The following HNRNPLL variants were observed in gnomAD, a reference collection of about 807,000 sequenced individuals.
HNRNPLL encodes the protein heterogeneous nuclear ribonucleoprotein L like.
A neutral mutation model predicts 67.1 loss-of-function variants in HNRNPLL; 25 were observed. The ratio of observed to expected loss-of-function variants is 0.37; its 90% CI spans 0.27 to 0.52. The LOEUF (loss-of-function observed/expected upper bound fraction) is 0.52. Ranked by LOEUF, HNRNPLL falls within the 20% of genes least tolerant of loss-of-function variation. The probability of loss-of-function intolerance (pLI) is 0.90; values close to 1 mark genes in which losing one functional copy is unlikely to be tolerated. For missense variants in HNRNPLL, 542 were observed against 673.9 expected, an observed-to-expected ratio of 0.80 and a Z score of 2.17; for synonymous variants, 267 against 241.7, an observed-to-expected ratio of 1.10 and a Z score of -0.97.
intron 4 of HNRNPLL, among the ~76,000 whole-genome samples, chr2:38,583,537 CT>C (rs1666617747): frequency 6.6e-6 from 1 of 152,132 alleles, no homozygotes; most frequent in Non-Finnish European, 1.5e-5. Context: ...TTCCAAACTA[CT>C]TTAAGAGGGA....
intron 1 of HNRNPLL, among the ~76,000 whole-genome samples, chr2:38,596,302 A>T (rs1471644928): frequency 6.7e-6 from 1 of 149,522 alleles, no homozygotes; most frequent in Non-Finnish European, 1.5e-5. Flanking sequence ...TCGCTCTATC[A>T]CCCAGGCTGG....
intron 1 of HNRNPLL, chr2:38,602,122 C>G (rs902992169): frequency 8.1e-6 from 3 of 368,260 alleles, no homozygotes; most frequent in Non-Finnish European, 1.5e-5. Context: ...ACAAAGAGCT[C>G]CCCGAGCCGC....
At chr2:38,573,161 T>G (rs759011734) in intron 8 of HNRNPLL, 49 bp downstream of exon 8, 1 of 1,256,192 alleles carries the variant, frequency 8.0e-7, no homozygotes, top group Non-Finnish European at 1.1e-6. Flanking sequence ...CTTTTCAGAG[T>G]TACCACTGAA....
At chr2:38,569,688 T>C in intron 9 of HNRNPLL, 116 bp downstream of exon 9, 1 of 575,686 alleles carries the variant, frequency 1.7e-6, no homozygotes, top group Non-Finnish European at 2.9e-6. Context: ...AGCTGTTGTT[T>C]CAGATGTGCC....
intron 7 of HNRNPLL, among the ~76,000 whole-genome samples, chr2:38,574,438 G>A (rs1347908425): frequency 2.6e-5 from 4 of 151,868 alleles, no homozygotes; most frequent in Non-Finnish European, 5.9e-5. Context: ...TCCCCCTGAT[G>A]TGCAAAACCA....
At chr2:38,594,018 C>A (rs1328558620) in intron 1 of HNRNPLL, among the ~76,000 whole-genome samples, 3 of 151,658 alleles carry the variant, frequency 2.0e-5, no homozygotes, top group Non-Finnish European at 4.4e-5. Context: ...ACTAAAAATA[C>A]AAAAAAATTA....
At chr2:38,573,150 C>A (rs182723421) in intron 8 of HNRNPLL, 60 bp downstream of exon 8, 2 of 1,116,626 alleles carry the variant, frequency 1.8e-6, no homozygotes, top group African/African-American at 1.6e-5. Context: ...ATATTTGCAG[C>A]CTTTTCAGAG....
chr2:38,577,475 C>G lies in HNRNPLL; in HGVS notation c.860G>C (p.Arg287Thr), dbSNP rs1205799316. ...TGACAACTTACCATAGCCATCATGT[C>G]TAAACGAAGAAGGGTGTTCTCCCAA... ...AILGEHPSSF[R>T]HDGYGSHGPL... is the part of the protein sequence containing the mutation. Residue 287 changes from arginine (R) to threonine (T), a missense_variant, in exon 7 of 13, where the codon AGA (arginine) becomes ACA (threonine). Physicochemically the swap from Arg to Thr is moderately conservative, Grantham distance 71. Transcript: ENST00000449105. 1 of 1,605,228 alleles carries G rather than the reference C, an allele frequency of 6.2e-7. No individual in the cohort carries two copies. Among genetic ancestry groups the G allele is most frequent in the Non-Finnish European group, 8.5e-7 (1 of 1,172,156 alleles).
chr2:38,563,100 T>G lies in HNRNPLL; in HGVS notation c.*1082A>C, dbSNP rs945684528. On this transcript the variant is annotated 3_prime_UTR_variant, in exon 13 of 13. Transcript: ENST00000449105. ...TGTGAACTTGGTAACAATCGTGCTA[T>G]AGTCTCTTAATACCATGTTTGGTCC... 2.0e-5 allele frequency: 3 copies of G among 152,052 alleles called. No homozygotes were observed. The highest frequency in any genetic ancestry group is 2.0e-4 in the Admixed American group (3 of 15,274). 9.4% of individuals were successfully genotyped at this position (152,052 alleles called of 1,614,324 possible). A position where few individuals can be genotyped will look rare whatever the true frequency, so the allele number is the denominator to read the frequency against.
At chr2:38,573,464 T>C (rs753111754) in intron 7 of HNRNPLL, 37 bp from the exon 8 acceptor site, 1 of 1,296,958 alleles carries the variant, frequency 7.7e-7, no homozygotes, top group Non-Finnish European at 1.1e-6. Context: ...TTAGTTAACA[T>C]ATACACATAG....
chr2:38,602,814 C>T lies in HNRNPLL; in HGVS notation c.-188G>A. ...AGAAGCGCGGACGGACTGAGGGGGG[C>T]GCCCCGGGAGGAAGCTCTGGAGCGG... On this transcript the variant is annotated 5_prime_UTR_variant, in exon 1 of 13. Transcript: ENST00000449105. 2.6e-6 allele frequency: 4 copies of T among 1,544,750 alleles called. No homozygotes were observed. The highest frequency in any genetic ancestry group is 2.5e-5 in the East Asian group (1 of 40,072).
intron 1 of HNRNPLL, among the ~76,000 whole-genome samples, chr2:38,593,818 G>C (rs867844574): frequency 6.6e-6 from 1 of 151,164 alleles, no homozygotes; most frequent in African/African-American, 2.4e-5. Flanking sequence ...AGCCGAGATT[G>C]TGCCACTGCA....
rs368531364 is a variant in HNRNPLL, at chr2:38,585,947, A to G, written c.309-66T>C. ...GTTCCGTTAACATTATTTGTCCTCA[A>G]TTAAGTAAAAGCAGACTTTAATAAA... On this transcript the variant is annotated intron_variant, in intron 2 of 12. Coordinates refer to ENST00000449105, the MANE Select transcript of HNRNPLL (RefSeq NM_138394.4). The G allele has an allele frequency of 1.9e-5, 18 of 955,116 alleles. No individual in the cohort carries two copies. The African/African-American group carries it at 2.6e-4, about 14-fold the overall frequency. 59.2% of individuals were successfully genotyped at this position (955,116 alleles called of 1,614,324 possible). A position where few individuals can be genotyped will look rare whatever the true frequency, so the allele number is the denominator to read the frequency against.
chr2:38,596,083 C>G (rs749806386), intron 1 of HNRNPLL, among the ~76,000 whole-genome samples: 1 of 151,730 alleles, frequency 6.6e-6, no homozygotes, highest in Non-Finnish European at 1.5e-5. Context: ...AAAAAAAAAC[C>G]TATGGCTGTT....
intron 7 of HNRNPLL, among the ~76,000 whole-genome samples, chr2:38,576,655 T>C (rs976194134): frequency 6.6e-5 from 10 of 151,802 alleles, no homozygotes; most frequent in Admixed American, 1.3e-4. Context: ...TGTAGGCAAT[T>C]TGAACCATTT....
intron 7 of HNRNPLL, among the ~76,000 whole-genome samples, chr2:38,574,085 A>T (rs1666203839): frequency 6.6e-6 from 1 of 151,960 alleles, no homozygotes; most frequent in African/African-American, 2.4e-5. Context: ...ATCTAAAACT[A>T]TTTCAGCAGA....
In HNRNPLL at chr2:38,598,014, C is replaced by CT. The variant is rs530992607; in HGVS notation, c.189+4423dup. On this transcript the variant is annotated intron_variant, in intron 1 of 12. Coordinates refer to ENST00000449105, the MANE Select transcript of HNRNPLL (RefSeq NM_138394.4). ...GTCAAGTAACTTTTTAAAAAACAAA[C>CT]TTTTTTTTTTTTTGCTCATGTAATA... 3.0e-3 allele frequency among the ~76,000 whole-genome samples: 436 copies of CT among 145,336 alleles called. 2 individuals carry two copies. Among genetic ancestry groups the CT allele is most frequent in the African/African-American group, 8.1e-3 (322 of 39,852 alleles).
intron 2 of HNRNPLL, among the ~76,000 whole-genome samples, chr2:38,589,329 A>G (rs1369385220): frequency 6.6e-6 from 1 of 152,174 alleles, no homozygotes; most frequent in African/African-American, 2.4e-5. Flanking sequence ...AGCAGTTTCT[A>G]TACTGTTTAT....
rs1049854362 is a variant in HNRNPLL, at chr2:38,602,900, T to C, written c.-274A>G. 1 of 1,542,172 alleles carries C rather than the reference T, an allele frequency of 6.5e-7. No homozygotes were observed. The highest frequency in any genetic ancestry group is 1.2e-5 in the South Asian group (1 of 83,720). ...CTCCCTCCTCCTCCTCCGTCTCCGC[T>C]CCCTGCCCGGAGGAGCGAATCTAAG... On this transcript the variant is annotated 5_prime_UTR_variant, in exon 1 of 13. Coordinates refer to ENST00000449105, the MANE Select transcript of HNRNPLL (RefSeq NM_138394.4).
Sources: allele counts gnomAD v4.1 joint callset (sites outside exome capture counted in the v4.1 genomes callset), GRCh38; gene constraint gnomAD v4.1.1; transcripts MANE v1.5; gene names NCBI Gene and HGNC (gene_info 2026-07-23, HGNC 2026-07-21).